Variants in NIPSNAP1 observed in about 807,000 individuals in gnomAD.
The protein encoded by NIPSNAP1 is protein NipSnap homolog 1.
NIPSNAP1 carries 25 observed loss-of-function variants against 49.2 expected under a neutral mutation model. The ratio of observed to expected loss-of-function variants is 0.51; its 90% CI spans 0.37 to 0.71. The LOEUF is 0.71. NIPSNAP1 is among the 30% of genes least tolerant of loss of function. The pLI is 0.00. For missense variants in NIPSNAP1, 294 were observed against 361.0 expected (o/e 0.81, Z 1.50); for synonymous variants, 143 against 140.7 (o/e 1.02, Z -0.12).
At position 29,555,881 on chromosome 22, in the gene NIPSNAP1, G is replaced by C; in HGVS notation, c.*54C>G. 6.7e-7 allele frequency: 1 copy of C among 1,495,276 alleles called. No individual in the cohort carries two copies. The highest frequency in any genetic ancestry group is 9.1e-7 in the Non-Finnish European group (1 of 1,095,456). 92.6% of individuals were successfully genotyped at this position (1,495,276 alleles called of 1,614,324 possible). A position where few individuals can be genotyped will look rare whatever the true frequency, so the allele number is the denominator to read the frequency against. On this transcript the variant is annotated 3_prime_UTR_variant, in exon 10 of 10. Transcript: ENST00000216121. ...AGACAGCAGGACCAGGAGTGCCACT[G>C]TCTGTCGGGGTTGCCTGAGGGAGAA...
chr22:29,555,801 C>T lies in NIPSNAP1; in HGVS notation c.*134G>A, dbSNP rs1370132290. The T allele has an allele frequency of 2.5e-6, 2 of 800,098 alleles. No individual in the cohort carries two copies. Among genetic ancestry groups the T allele is most frequent in the Admixed American group, 2.0e-5 (1 of 49,706 alleles). 49.6% of individuals were successfully genotyped at this position (800,098 alleles called of 1,614,324 possible). A position where few individuals can be genotyped will look rare whatever the true frequency, so the allele number is the denominator to read the frequency against. On this transcript the variant is annotated 3_prime_UTR_variant, in exon 10 of 10. Transcript: ENST00000216121. Reference sequence around the variant, plus strand: ...AGAACTTGTCAGCCTTCAGTTCCCCCTTGTCTGAACTGAGCACTGCCCCTC... The same window carrying T: ...AGAACTTGTCAGCCTTCAGTTCCCCTTTGTCTGAACTGAGCACTGCCCCTC...
At chr22:29,563,915 C>T (rs926264923) in intron 4 of NIPSNAP1, among the ~76,000 whole-genome samples, 4 of 152,200 alleles carry the variant, frequency 2.6e-5, no homozygotes, top group African/African-American at 4.8e-5. Context: ...GGAGGAAGGA[C>T]AGCCCTGTCA....
At chr22:29,557,866 A>ACCTACCTACCACAGTT (rs1205168208) in intron 9 of NIPSNAP1, among the ~76,000 whole-genome samples, 11 of 151,994 alleles carry the variant, frequency 7.2e-5, no homozygotes, top group African/African-American at 2.7e-4. Context: ...CCCCTCAACC[A>ACCTACCTACCACAGTT]CCTACCTACC....
intron 1 of NIPSNAP1, chr22:29,579,608 TTA>T (rs1251891585): frequency 1.9e-5 from 3 of 161,168 alleles, no homozygotes; most frequent in African/African-American, 7.2e-5. Context: ...TTTGTACTTT[TTA>T]TAGAGACAGG....
intron 4 of NIPSNAP1, among the ~76,000 whole-genome samples, chr22:29,563,320 G>A (rs967367490): frequency 6.6e-6 from 1 of 151,508 alleles, no homozygotes; most frequent in African/African-American, 2.4e-5. Context: ...ATCTGAAGTC[G>A]GAAATTTGAG....
chr22:29,567,869 A>G (rs1443808593), intron 4 of NIPSNAP1, among the ~76,000 whole-genome samples: 3 of 151,578 alleles, frequency 2.0e-5, no homozygotes, highest in African/African-American at 7.3e-5. Flanking sequence ...TAAATAAATG[A>G]AAATTTAAAA....
chr22:29,560,241 CT>C (rs35947318), intron 8 of NIPSNAP1, among the ~76,000 whole-genome samples: 3,205 of 145,254 alleles, frequency 0.022, 128 homozygotes, highest in African/African-American at 0.076. Context: ...CTCTCCCTGC[CT>C]TTTTTTTTTT....
intron 9 of NIPSNAP1, among the ~76,000 whole-genome samples, chr22:29,558,364 G>A (rs1351113138): frequency 6.6e-6 from 1 of 152,112 alleles, no homozygotes; most frequent in Non-Finnish European, 1.5e-5. Context: ...AGCTACTCGG[G>A]AGGCTGAGGC....
intron 4 of NIPSNAP1, among the ~76,000 whole-genome samples, chr22:29,565,072 T>C (rs565286860): frequency 5.3e-5 from 8 of 151,854 alleles, no homozygotes; most frequent in Non-Finnish European, 1.2e-4. Flanking sequence ...GGCATGGTGG[T>C]GCATGTCTGT....
chr22:29,569,173 T>G lies in NIPSNAP1; in HGVS notation c.367+20A>C. ...CAGGGCTGGGCAGTGGCAATGGCACTAGGGAGGTGAGCGCCTTACCTGCCT... is the reference window on the plus strand; with the variant it reads ...CAGGGCTGGGCAGTGGCAATGGCACGAGGGAGGTGAGCGCCTTACCTGCCT... On this transcript the variant is annotated intron_variant, in intron 4 of 9. Transcript: ENST00000216121. 6.2e-7 allele frequency: 1 copy of G among 1,608,904 alleles called. No homozygotes were observed.
At chr22:29,561,448 A>C in intron 6 of NIPSNAP1, 58 bp downstream of exon 6, 1 of 1,611,184 alleles carries the variant, frequency 6.2e-7, no homozygotes, top group Non-Finnish European at 8.5e-7. Flanking sequence ...GGCAGCTGCA[A>C]AGCAGCATTG....
chr22:29,558,971 G>A lies in NIPSNAP1; in HGVS notation c.707-18C>T. The A allele has an allele frequency of 6.3e-7, 1 of 1,588,854 alleles. No individual in the cohort carries two copies. The highest frequency in any genetic ancestry group is 8.6e-7 in the Non-Finnish European group (1 of 1,158,478). ...TTTATAGGCTGTGAGAAAGGCACAG[G>A]CTCATTCCTCAGGCACAGAGGACTG... On this transcript the variant is annotated intron_variant, in intron 8 of 9. Coordinates refer to ENST00000216121, the MANE Select transcript of NIPSNAP1 (RefSeq NM_003634.4).
At position 29,569,279 on chromosome 22, in the gene NIPSNAP1, A is replaced by G; in HGVS notation, c.281T>C (p.Val94Ala). 2 of 1,613,838 alleles carry G rather than the reference A, an allele frequency of 1.2e-6. No individual in the cohort carries two copies. The highest frequency in any genetic ancestry group is 1.7e-6 in the Non-Finnish European group (2 of 1,179,820). The change falls in exon 4 of 10, where the codon GTG becomes GCG. Residue 94 changes from valine (V) to alanine (A), a missense_variant. By Grantham distance (64) the Val-to-Ala change is moderately conservative. Transcript: ENST00000216121. ...CTCATCCAGGTGAAGCTTGGGCAGC[A>G]CAGCCTCCCTGTGGGGGAGGTGCAG... ...LDAYNSLTEA[V>A]LPKLHLDEDY...
Position 29,576,919 on chromosome 22 carries a change from C to T in NIPSNAP1, c.98+4066G>A, listed in dbSNP as rs1458207949. On this transcript the variant is annotated intron_variant, in intron 1 of 9. Coordinates refer to ENST00000216121, the MANE Select transcript of NIPSNAP1 (RefSeq NM_003634.4). Reference sequence around the variant, plus strand: ...CAGCCTGGCTGACAGAATGAGACTCCGTCTCAAAAAAAAAAAAAAAGGTAG... The same window carrying T: ...CAGCCTGGCTGACAGAATGAGACTCTGTCTCAAAAAAAAAAAAAAAGGTAG... 3.4e-5 allele frequency among the ~76,000 whole-genome samples: 5 copies of T among 147,444 alleles called. 1 individual carries two copies. Among genetic ancestry groups the T allele is most frequent in the African/African-American group, 1.3e-4 (5 of 38,928 alleles).
At position 29,555,257 on chromosome 22, in the gene NIPSNAP1, T is replaced by C. The variant is rs2064282554; in HGVS notation, c.*678A>G. 6.5e-6 allele frequency: 1 copy of C among 152,982 alleles called. No individual in the cohort carries two copies. Among genetic ancestry groups the C allele is most frequent in the African/African-American group, 2.4e-5 (1 of 41,468 alleles). The allele number at this position is 152,982 out of a possible 1,614,324, so 9.5% of individuals were successfully genotyped here. ...GTATTCCAGATTCCAAATTCTACAA[T>C]TGAAACCCAAGTTCTGAATTCTAAG... On this transcript the variant is annotated 3_prime_UTR_variant, in exon 10 of 10. Transcript: ENST00000216121.
intron 1 of NIPSNAP1, among the ~76,000 whole-genome samples, chr22:29,580,773 GCCCGGT>G (rs920678189): frequency 5.3e-5 from 8 of 151,988 alleles, no homozygotes; most frequent in Non-Finnish European, 8.8e-5. Flanking sequence ...CCCCATCACA[GCCCGGT>G]CCCAACCAGG....
rs1292870668 is a variant in NIPSNAP1, at chr22:29,555,931, A to C, written c.*4T>G. ...AGGGGAAGGAGGTGGAGGTGTAGGC[A>C]GCATCACTGCAGAGGCGAGATCTTC... On this transcript the variant is annotated 3_prime_UTR_variant, in exon 10 of 10. Coordinates refer to ENST00000216121, the MANE Select transcript of NIPSNAP1 (RefSeq NM_003634.4). 1.2e-5 allele frequency: 19 copies of C among 1,551,580 alleles called. No homozygotes were observed. Among genetic ancestry groups the C allele is most frequent in the Non-Finnish European group, 1.7e-5 (19 of 1,146,858 alleles).
Position 29,555,924 on chromosome 22 carries a change from T to C in NIPSNAP1, c.*11A>G, listed in dbSNP as rs777083980. 4 of 1,550,590 alleles carry C rather than the reference T, an allele frequency of 2.6e-6. No individual in the cohort carries two copies. The highest frequency in any genetic ancestry group is 3.5e-6 in the Non-Finnish European group (4 of 1,146,376). ...AGGGAGAAGGGGAAGGAGGTGGAGGTGTAGGCAGCATCACTGCAGAGGCGA... is the reference window on the plus strand; with the variant it reads ...AGGGAGAAGGGGAAGGAGGTGGAGGCGTAGGCAGCATCACTGCAGAGGCGA... On this transcript the variant is annotated 3_prime_UTR_variant, in exon 10 of 10. Transcript: ENST00000216121.
intron 1 of NIPSNAP1, among the ~76,000 whole-genome samples, chr22:29,574,154 C>T (rs576040272): frequency 6.8e-6 from 1 of 147,132 alleles, no homozygotes; most frequent in South Asian, 2.2e-4. Flanking sequence ...CCCAGCTACT[C>T]GAGAGACTGA....
Sources: allele counts gnomAD v4.1 joint callset (sites outside exome capture counted in the v4.1 genomes callset), GRCh38; gene constraint gnomAD v4.1.1; transcripts MANE v1.5; gene names NCBI Gene and HGNC (gene_info 2026-07-23, HGNC 2026-07-21).